DPP6: variants seen among roughly 807,000 people sequenced by gnomAD.
DPP6 encodes the protein dipeptidyl peptidase like 6.
In DPP6, 69 loss-of-function variants were observed where a neutral mutation model predicts 122.6. The observed-to-expected ratio is 0.56, with a 90% confidence interval of 0.46 to 0.69. The LOEUF (loss-of-function observed/expected upper bound fraction) is 0.69, where lower values mean the gene tolerates loss of function less well. Ranked by LOEUF, DPP6 falls within the 30% of genes least tolerant of loss-of-function variation. The probability of loss-of-function intolerance (pLI) is 0.00; values close to 1 mark genes in which losing one functional copy is unlikely to be tolerated. For missense variants in DPP6, 928 were observed against 1,116.9 expected, an observed-to-expected ratio of 0.83 and a Z score of 2.41; for synonymous variants, 418 against 433.1, an observed-to-expected ratio of 0.97 and a Z score of 0.43.
At chr7:154,203,837 C>T (rs746238936) in intron 1 of DPP6, among the ~76,000 whole-genome samples, 15 of 152,164 alleles carry the variant, frequency 9.9e-5, no homozygotes, top group South Asian at 2.1e-4. Flanking sequence ...CTCCTCAAGT[C>T]GTCTACATTT....
At chr7:153,979,496 A>G (rs1585123854) in intron 1 of DPP6, among the ~76,000 whole-genome samples, 1 of 152,192 alleles carries the variant, frequency 6.6e-6, no homozygotes, top group Admixed American at 6.5e-5. Flanking sequence ...CTGCAAACAG[A>G]TAATTTGACT....
intron 3 of DPP6, among the ~76,000 whole-genome samples, chr7:154,514,147 G>A (rs1826306792): frequency 6.6e-6 from 1 of 152,006 alleles, no homozygotes; most frequent in Non-Finnish European, 1.5e-5. Context: ...ATGGTGGTGG[G>A]TACCTGTAAT....
intron 1 of DPP6, among the ~76,000 whole-genome samples, chr7:154,306,764 GTAAA>G (rs1180383251): frequency 2.0e-5 from 3 of 152,168 alleles, no homozygotes; most frequent in Non-Finnish European, 4.4e-5. Context: ...AGAAGATTCT[GTAAA>G]TACGGACATT....
intron 16 of DPP6, among the ~76,000 whole-genome samples, chr7:154,832,455 T>C (rs529198375): frequency 7.2e-5 from 11 of 152,284 alleles, no homozygotes; most frequent in East Asian, 5.8e-4. Context: ...GGTCATACCA[T>C]TGGGAGCCTG....
chr7:154,533,033 C>T (rs185030494), intron 3 of DPP6, among the ~76,000 whole-genome samples: 3 of 152,276 alleles, frequency 2.0e-5, no homozygotes, highest in Admixed American at 2.0e-4. Flanking sequence ...AGAATGTCAA[C>T]CAACAGGCCT....
intron 5 of DPP6, chr7:154,587,588 C>G: frequency 6.7e-7 from 1 of 1,493,472 alleles, no homozygotes; most frequent in Non-Finnish European, 9.0e-7. Flanking sequence ...AAATAGCATC[C>G]TGGGACCATA....
At chr7:154,509,158 G>T (rs967432754) in intron 3 of DPP6, among the ~76,000 whole-genome samples, 2 of 152,146 alleles carry the variant, frequency 1.3e-5, no homozygotes, top group Non-Finnish European at 2.9e-5. Flanking sequence ...AAAAGCTTTT[G>T]TGTTTCAAAG....
chr7:154,491,766 C>T (rs1824299657), intron 3 of DPP6, among the ~76,000 whole-genome samples: 1 of 152,098 alleles, frequency 6.6e-6, no homozygotes, highest in African/African-American at 2.4e-5. Flanking sequence ...GTGATCATGC[C>T]CCCAGCATAC....
At chr7:154,526,579 A>G (rs1383020388) in intron 3 of DPP6, among the ~76,000 whole-genome samples, 2 of 152,224 alleles carry the variant, frequency 1.3e-5, no homozygotes, top group East Asian at 3.8e-4. Flanking sequence ...TAATTTTAAT[A>G]TTAATGGAAA....
intron 8 of DPP6, among the ~76,000 whole-genome samples, chr7:154,757,645 C>T (rs1176036773): frequency 2.0e-5 from 3 of 152,220 alleles, no homozygotes; most frequent in African/African-American, 7.2e-5. Flanking sequence ...GGGAGATCCT[C>T]ATGGCTGAAG....
At chr7:153,907,706 A>G (rs1167684710) in intron 1 of DPP6, among the ~76,000 whole-genome samples, 1 of 152,220 alleles carries the variant, frequency 6.6e-6, no homozygotes, top group Non-Finnish European at 1.5e-5. Flanking sequence ...ATTCTGCAGC[A>G]AATGGCCTCT....
chr7:154,490,154 T>C (rs1204418699), intron 3 of DPP6, among the ~76,000 whole-genome samples: 1 of 152,246 alleles, frequency 6.6e-6, no homozygotes, highest in African/African-American at 2.4e-5. Flanking sequence ...AAAATGCTTC[T>C]GACAATTCTG....
At chr7:154,336,355 C>T (rs1809421746) in intron 1 of DPP6, among the ~76,000 whole-genome samples, 1 of 152,172 alleles carries the variant, frequency 6.6e-6, no homozygotes, top group Admixed American at 6.6e-5. Flanking sequence ...GCTCTCCATT[C>T]TCCCTGGAGG....
Position 154,618,167 on chromosome 7 carries a change from C to T in DPP6, c.628-19654C>T, listed in dbSNP as rs1347339072. The stretch of plus-strand genomic sequence containing the variant: ...GGAAGGTTCCAGAGCTGTATGATCC[C>T]GGAATTGTACCCTGTGAAAAAGCAT... On this transcript the variant is annotated intron_variant, in intron 5 of 25. Transcript: ENST00000377770. The surrounding 1 kb of genome is among the most constrained non-coding windows in gnomAD (Gnocchi z 4.1). Among the ~76,000 whole-genome samples, 4 of 152,116 alleles carry T rather than the reference C, an allele frequency of 2.6e-5. No individual in the cohort carries two copies. The highest frequency in any genetic ancestry group is 4.1e-4 in the South Asian group (2 of 4,830).
intron 1 of DPP6, among the ~76,000 whole-genome samples, chr7:154,175,156 TAA>T (rs1159555431): frequency 1.3e-5 from 2 of 152,114 alleles, no homozygotes; most frequent in Non-Finnish European, 2.9e-5. Context: ...GCCCATCACA[TAA>T]AAGACGTTGT....
chr7:154,797,982 C>T (rs779295308), intron 12 of DPP6, among the ~76,000 whole-genome samples: 5 of 152,102 alleles, frequency 3.3e-5, no homozygotes, highest in Admixed American at 1.3e-4. Flanking sequence ...CCAGAAAAAG[C>T]GTGGTGGACA....
the DPP6 span, among the ~76,000 whole-genome samples, chr7:153,796,504 G>A: frequency 6.6e-6 from 1 of 151,544 alleles, no homozygotes; most frequent in East Asian, 1.9e-4. Context: ...TTTGTCTCCA[G>A]CTCCTGGAAG....
At chr7:154,560,555 A>G (rs910580760) in intron 4 of DPP6, among the ~76,000 whole-genome samples, 12 of 152,190 alleles carry the variant, frequency 7.9e-5, no homozygotes, top group African/African-American at 2.7e-4. Context: ...TATCTATGTT[A>G]TCTAATTTTA....
chr7:154,020,161 A>G (rs552999889), intron 1 of DPP6, among the ~76,000 whole-genome samples: 3 of 152,278 alleles, frequency 2.0e-5, no homozygotes, highest in African/African-American at 7.2e-5. Context: ...TAAGATGTCA[A>G]GATGTCGTTT....
Sources: allele counts gnomAD v4.1 joint callset (sites outside exome capture counted in the v4.1 genomes callset), GRCh38; gene constraint gnomAD v4.1.1; non-coding constraint Gnocchi (gnomAD v3.1); transcripts MANE v1.5; gene names NCBI Gene and HGNC (gene_info 2026-07-23, HGNC 2026-07-21).